The following EXOC6 variants were observed in gnomAD, a reference collection of about 807,000 sequenced individuals.
The protein encoded by EXOC6 is exocyst complex component 6.
A neutral mutation model predicts 112.5 loss-of-function variants in EXOC6; 60 were observed. That is an observed-to-expected ratio of 0.53 (90% CI 0.43 to 0.66). The LOEUF is 0.66. Ranked by LOEUF, EXOC6 falls within the 30% of genes least tolerant of loss-of-function variation. The pLI, the probability that EXOC6 is intolerant of heterozygous loss-of-function variation, is 0.00. For missense variants in EXOC6, 855 were observed against 957.1 expected (o/e 0.89, Z 1.41); for synonymous variants, 295 against 308.0 (o/e 0.96, Z 0.44).
At chr10:92,918,646 A>G (rs1343327806) in intron 7 of EXOC6, among the ~76,000 whole-genome samples, 4 of 150,962 alleles carry the variant, frequency 2.6e-5, no homozygotes, top group South Asian at 2.1e-4. Flanking sequence ...CTGGTCTTGA[A>G]CTCCTGGCTT....
chr10:93,058,405 A>C lies in EXOC6; in HGVS notation c.*50A>C, dbSNP rs753094901. On this transcript the variant is annotated 3_prime_UTR_variant, in exon 22 of 22. Transcript: ENST00000260762. ...ACACCAAATCCATGATTCAATGTTG[A>C]TCTTGAGCAAGTATTGGTCATGATA... 49 of 1,509,442 alleles carry C rather than the reference A, an allele frequency of 3.2e-5. No homozygotes were observed. The highest frequency in any genetic ancestry group is 1.9e-5 in the Non-Finnish European group (21 of 1,128,326). The allele number at this position is 1,509,442 out of a possible 1,614,324, so 93.5% of individuals were successfully genotyped here. A position where few individuals can be genotyped will look rare whatever the true frequency, so the allele number is the denominator to read the frequency against.
chr10:92,834,896 ATTCT>A, intron 1 of EXOC6: 1 of 847,592 alleles, frequency 1.2e-6, no homozygotes, highest in Non-Finnish European at 1.9e-6. Flanking sequence ...GCTTTTTATA[ATTCT>A]TTATAAGAGT....
chr10:92,867,693 G>A (rs1848243952), intron 1 of EXOC6, among the ~76,000 whole-genome samples: 1 of 152,092 alleles, frequency 6.6e-6, no homozygotes, highest in South Asian at 2.1e-4. Context: ...TATTAAGAGG[G>A]AATCAGTATG....
chr10:92,943,710 AT>A (rs71306831), intron 13 of EXOC6, among the ~76,000 whole-genome samples: 197 of 145,832 alleles, frequency 1.4e-3, no homozygotes, highest in Middle Eastern at 3.5e-3. Flanking sequence ...TCACGTACTT[AT>A]TTTTTTTTTT....
At chr10:93,003,927 G>A (rs1264702589) in intron 19 of EXOC6, among the ~76,000 whole-genome samples, 2 of 152,112 alleles carry the variant, frequency 1.3e-5, no homozygotes, top group Non-Finnish European at 2.9e-5. Context: ...AATGTTTAGG[G>A]AATCTTCAAA....
intron 18 of EXOC6, among the ~76,000 whole-genome samples, chr10:92,983,247 T>C (rs939188571): frequency 6.6e-6 from 1 of 152,226 alleles, no homozygotes; most frequent in African/African-American, 2.4e-5. Context: ...AATGGTGTGA[T>C]AAGTAGTCCA....
intron 1 of EXOC6, among the ~76,000 whole-genome samples, chr10:92,871,328 A>G (rs1198827447): frequency 6.6e-6 from 1 of 151,220 alleles, no homozygotes; most frequent in Non-Finnish European, 1.5e-5. Context: ...GGAGTTTGAG[A>G]CCAGCCTGCG....
chr10:93,056,827 C>G (rs796737789), intron 20 of EXOC6, 97 bp from the exon 21 acceptor site: 1 of 680,214 alleles, frequency 1.5e-6, no homozygotes, highest in African/African-American at 1.9e-5. Flanking sequence ...ATCTAAGAAG[C>G]AAGCCATATT....
intron 13 of EXOC6, among the ~76,000 whole-genome samples, chr10:92,943,164 G>A (rs1397485489): frequency 4.0e-5 from 6 of 151,812 alleles, no homozygotes; most frequent in Non-Finnish European, 7.4e-5. Context: ...GACTACAGGC[G>A]CCCACCACCA....
chr10:93,038,174 T>C (rs1845603818), intron 20 of EXOC6, among the ~76,000 whole-genome samples: 1 of 152,114 alleles, frequency 6.6e-6, no homozygotes, highest in African/African-American at 2.4e-5. Context: ...AAATGCTTTG[T>C]TAGAAAAACA....
intron 5 of EXOC6, among the ~76,000 whole-genome samples, chr10:92,906,200 A>G (rs961100157): frequency 2.0e-5 from 3 of 152,070 alleles, no homozygotes; most frequent in Admixed American, 1.3e-4. Flanking sequence ...ATCTTTCTCT[A>G]TCCCTTTATT....
At chr10:92,928,575 C>A (rs1851848790) in intron 9 of EXOC6, among the ~76,000 whole-genome samples, 153 bp downstream of exon 9, 1 of 150,510 alleles carries the variant, frequency 6.6e-6, no homozygotes, top group African/African-American at 2.5e-5. Flanking sequence ...GCTAAGGGTA[C>A]AGCAGTGAAC....
At chr10:92,882,856 C>A (rs1443492907) in intron 1 of EXOC6, among the ~76,000 whole-genome samples, 1 of 152,116 alleles carries the variant, frequency 6.6e-6, no homozygotes, top group African/African-American at 2.4e-5. Context: ...AAGATTAGAT[C>A]AGATTCTCAA....
chr10:92,889,242 T>C (rs769667301), intron 1 of EXOC6, among the ~76,000 whole-genome samples: 1 of 152,242 alleles, frequency 6.6e-6, no homozygotes, highest in Non-Finnish European at 1.5e-5. Context: ...GTGTCAGTTA[T>C]TGTTTAAGAA....
chr10:92,911,062 TA>T (rs1318250470), intron 6 of EXOC6, among the ~76,000 whole-genome samples: 1 of 88,364 alleles, frequency 1.1e-5, no homozygotes, highest in African/African-American at 4.4e-5. Context: ...AAATTTTTAA[TA>T]AAAAGTTAAA....
chr10:92,848,661 C>A (rs1564768654), intron 1 of EXOC6, 27 bp downstream of exon 1: 1 of 1,325,140 alleles, frequency 7.5e-7, no homozygotes. Context: ...ACCGGGACTT[C>A]GGCCCCCCGC....
chr10:92,928,965 C>A (rs998399291), intron 9 of EXOC6, among the ~76,000 whole-genome samples: 1 of 152,012 alleles, frequency 6.6e-6, no homozygotes, highest in Non-Finnish European at 1.5e-5. Context: ...ACAGGAAAAC[C>A]CAAATGAAGG....
intron 18 of EXOC6, among the ~76,000 whole-genome samples, chr10:92,982,721 C>G (rs973724546): frequency 5.3e-5 from 8 of 152,254 alleles, no homozygotes; most frequent in African/African-American, 1.9e-4. Context: ...ACAGCATCTT[C>G]TTCTCCATCT....
intron 20 of EXOC6, among the ~76,000 whole-genome samples, chr10:93,048,484 G>A (rs1024290322): frequency 1.3e-5 from 2 of 148,854 alleles, no homozygotes; most frequent in African/African-American, 2.5e-5. Flanking sequence ...AATACCTAAT[G>A]CTAAATGACG....
Sources: gnomAD v4.1 joint callset for allele counts (sites outside exome capture counted in the v4.1 genomes callset) on GRCh38, gnomAD v4.1.1 for gene constraint, MANE v1.5 for transcripts, NCBI Gene and HGNC (gene_info 2026-07-23, HGNC 2026-07-21) for gene names.